ZNF500: variants seen among roughly 807,000 people sequenced by gnomAD.
ZNF500 encodes the protein zinc finger protein 500.
In ZNF500, 31 loss-of-function variants were observed where a neutral mutation model predicts 30.1. That is an observed-to-expected ratio of 1.03 (90% CI 0.77 to 1.39). The LOEUF (loss-of-function observed/expected upper bound fraction) is 1.39. Ranked by LOEUF, ZNF500 falls within the 40% of genes most tolerant of loss-of-function variation. The pLI is 0.00. For missense variants in ZNF500, 817 were observed against 657.8 expected, an observed-to-expected ratio of 1.24 and a Z score of -2.65; for synonymous variants, 392 against 282.0, an observed-to-expected ratio of 1.39 and a Z score of -3.91.
chr16:4,764,756 T>G (rs1160380850), intron 2 of ZNF500, among the ~76,000 whole-genome samples: 1 of 144,344 alleles, frequency 6.9e-6, no homozygotes, highest in East Asian at 2.0e-4. Flanking sequence ...CTCTCCAGCC[T>G]GGGCGACAGG....
In ZNF500 at chr16:4,752,248, C is replaced by G; in HGVS notation, c.*128G>C. On this transcript the variant is annotated 3_prime_UTR_variant, in exon 6 of 6. Coordinates refer to ENST00000219478, the MANE Select transcript of ZNF500 (RefSeq NM_021646.4). The stretch of plus-strand genomic sequence containing the variant: ...GCCTGGGCATCCCAAATGTCCCCTG[C>G]TGGCCTCATACTGGGCCATGGGAGG... 2 of 1,427,522 alleles carry G rather than the reference C, an allele frequency of 1.4e-6. No homozygotes were observed. The highest frequency in any genetic ancestry group is 1.8e-6 in the Non-Finnish European group (2 of 1,096,686). 88.4% of individuals were successfully genotyped at this position (1,427,522 alleles called of 1,614,324 possible).
chr16:4,765,826 C>A lies in ZNF500; in HGVS notation c.153G>T (p.Gln51His). Reference sequence around the variant, plus strand: ...CCTGGTAGCAGAAGAGCCGGAAGAGCTGGCGGAAAGTCTCAGGGCTGGGGT... The same window carrying A: ...CCTGGTAGCAGAAGAGCCGGAAGAGATGGCGGAAAGTCTCAGGGCTGGGGT... ...TEDPSPETFR[Q>H]LFRLFCYQEV... Residue 51 changes from glutamine to histidine, a missense_variant, in exon 2 of 6, where the codon CAG (glutamine) becomes CAT (histidine). Physicochemically the swap from Gln to His is conservative, Grantham distance 24. Transcript: ENST00000219478. The A allele has an allele frequency of 6.2e-7, 1 of 1,613,646 alleles. No individual in the cohort carries two copies. Among genetic ancestry groups the A allele is most frequent in the Non-Finnish European group, 8.5e-7 (1 of 1,179,994 alleles).
chr16:4,752,771 C>T lies in ZNF500; in HGVS notation c.1048G>A (p.Glu350Lys), dbSNP rs199690534. The T allele has an allele frequency of 3.1e-6, 5 of 1,614,252 alleles. No homozygotes were observed. Among genetic ancestry groups the T allele is most frequent in the Non-Finnish European group, 3.4e-6 (4 of 1,180,034 alleles). ...LTKHQRTHTG[E>K]RPYKCLVCGK... ...CAGACTAGGCACTTGTAAGGCCGCT[C>T]GCCCGTGTGTGTGCGCTGGTGCTTG... The change falls in exon 6 of 6, where the codon GAG becomes AAG. Residue 350 changes from glutamate (E) to lysine (K), a missense_variant. Physicochemically the swap from Glu to Lys is moderately conservative, Grantham distance 56 (BLOSUM62 1). Coordinates refer to ENST00000219478, the MANE Select transcript of ZNF500 (RefSeq NM_021646.4).
chr16:4,747,127 T>C, downstream of ZNF500: 1 of 1,265,732 alleles, frequency 7.9e-7, no homozygotes, highest in Non-Finnish European at 1.1e-6. Flanking sequence ...GAGGTCTTGC[T>C]GCACCCACCG....
rs780281616 is a variant in ZNF500, at chr16:4,752,974, C to G, written c.845G>C (p.Arg282Pro). ...RMEWYRVLSA[R>P]CQGPGHPLPG... ...GAGCGGGTGGCCAGGCCCCTGGCAT[C>G]GTGCCGAGAGCACTCGGTACCACTC... The change falls in exon 6 of 6, where the codon CGA becomes CCA. Residue 282 changes from arginine to proline, a missense_variant. Coordinates refer to ENST00000219478, the MANE Select transcript of ZNF500 (RefSeq NM_021646.4). The G allele has an allele frequency of 2.6e-5, 41 of 1,606,212 alleles. No homozygotes were observed. The South Asian group carries it at 4.4e-4, about 17-fold the overall frequency.
Position 4,752,991 on chromosome 16 carries a change from G to A in ZNF500, c.828C>T (p.Tyr276=), listed in dbSNP as rs1400026696. The A allele has an allele frequency of 6.3e-7, 1 of 1,591,582 alleles. No individual in the cohort carries two copies. The highest frequency in any genetic ancestry group is 8.6e-7 in the Non-Finnish European group (1 of 1,169,140). ...REDAPLRMEW[Y]RVLSARCQGP... ...CCTGGCATCGTGCCGAGAGCACTCG[G>A]TACCACTCCATTCTCAACGGGGCAT... Residue 276 remains tyrosine, a synonymous_variant, in exon 6 of 6, where the codon TAC becomes TAT. Transcript: ENST00000219478.
downstream of ZNF500, chr16:4,747,047 G>A (rs755640133): frequency 1.5e-5 from 23 of 1,505,922 alleles, no homozygotes; most frequent in African/African-American, 7.1e-5. Context: ...GGGGCCTCTC[G>A]CCACCTGCAG....
At position 4,763,965 on chromosome 16, in the gene ZNF500, G is replaced by A. The variant is rs911116807; in HGVS notation, c.415-1209C>T. The A allele has an allele frequency of 1.6e-5, 16 of 985,332 alleles. No homozygotes were observed. In the African/African-American group the frequency reaches 2.6e-4, roughly 16 times the overall value. 61.0% of individuals were successfully genotyped at this position (985,332 alleles called of 1,614,324 possible). A position where few individuals can be genotyped will look rare whatever the true frequency, so the allele number is the denominator to read the frequency against. ...TGCCCATGTGCCCCATCCACGCAAG[G>A]CCCTGAAAAATGAACTGAAACAGCA... is the stretch of plus-strand genomic sequence containing the variant. On this transcript the variant is annotated intron_variant, in intron 2 of 5. Transcript: ENST00000219478.
At position 4,748,714 on chromosome 16, in the gene ZNF500, C is replaced by T. The variant is rs1486638049; in HGVS notation, c.*3662G>A. 1.3e-5 allele frequency: 2 copies of T among 152,420 alleles called. No individual in the cohort carries two copies. The highest frequency in any genetic ancestry group is 4.8e-5 in the African/African-American group (2 of 41,456). 9.4% of individuals were successfully genotyped at this position (152,420 alleles called of 1,614,324 possible). A position where few individuals can be genotyped will look rare whatever the true frequency, so the allele number is the denominator to read the frequency against. ...CTGGGCACCTGTTTGTCTCCCCAAC[C>T]TTGTCTCCAGGATGTGTCCTGCTGT... On this transcript the variant is annotated 3_prime_UTR_variant, in exon 6 of 6. Transcript: ENST00000219478.
downstream of ZNF500, chr16:4,746,213 T>A: frequency 1.4e-6 from 1 of 700,194 alleles, no homozygotes; most frequent in Non-Finnish European, 2.3e-6. Context: ...TCTCGCATGC[T>A]GTTCTGAAGA....
rs542891145 is a variant in ZNF500 at position 4,751,902 on chromosome 16, C to T, written c.*474G>A. 45 of 306,988 alleles carry T rather than the reference C, an allele frequency of 1.5e-4. No homozygotes were observed. The highest frequency in any genetic ancestry group is 9.5e-4 in the African/African-American group (39 of 41,046). 19.0% of individuals were successfully genotyped at this position (306,988 alleles called of 1,614,324 possible). A position where few individuals can be genotyped will look rare whatever the true frequency, so the allele number is the denominator to read the frequency against. ...CCGCCTGGGGGACACAGCAAGGCCC[C>T]GTCTCAAAAAAAAAAGGGGGGGGGA... On this transcript the variant is annotated 3_prime_UTR_variant, in exon 6 of 6. Coordinates refer to ENST00000219478, the MANE Select transcript of ZNF500 (RefSeq NM_021646.4).
intron 5 of ZNF500, among the ~76,000 whole-genome samples, chr16:4,754,579 G>A (rs967691669): frequency 2.0e-5 from 3 of 151,600 alleles, no homozygotes; most frequent in Admixed American, 1.3e-4. Flanking sequence ...CAGGAGAATC[G>A]CTTGAACTCG....
intron 5 of ZNF500, among the ~76,000 whole-genome samples, chr16:4,756,147 C>T (rs1391363263): frequency 6.6e-6 from 1 of 152,140 alleles, no homozygotes; most frequent in African/African-American, 2.4e-5. Flanking sequence ...CCTGTAATAC[C>T]AGCACTCTGA....
In ZNF500 at chr16:4,752,802, G is replaced by A; in HGVS notation, c.1017C>T (p.His339=). 6.2e-7 allele frequency: 1 copy of A among 1,614,268 alleles called. No individual in the cohort carries two copies. Among genetic ancestry groups the A allele is most frequent in the Non-Finnish European group, 8.5e-7 (1 of 1,180,048 alleles). Reference sequence around the variant, plus strand: ...TGTGTGTGCGCTGGTGCTTGGTCAAGTGGGACGTCTTGCTGAAGCCTTTGC... The same window carrying A: ...TGTGTGTGCGCTGGTGCTTGGTCAAATGGGACGTCTTGCTGAAGCCTTTGC... The part of the protein sequence containing the change: ...ECGKGFSKTS[H]LTKHQRTHTG... The change falls in exon 6 of 6, where the codon CAC becomes CAT. Residue 339 remains histidine (H), a synonymous_variant. Transcript: ENST00000219478.
intron 2 of ZNF500, 82 bp from the exon 3 acceptor site, chr16:4,762,838 C>T: frequency 6.8e-7 from 1 of 1,478,806 alleles, no homozygotes; most frequent in Non-Finnish European, 9.0e-7. Context: ...CCCCTCATCT[C>T]AGGCACCCCA....
chr16:4,746,484 G>T, downstream of ZNF500: 1 of 1,613,750 alleles, frequency 6.2e-7, no homozygotes, highest in Non-Finnish European at 8.5e-7. Context: ...GCGGCAGATG[G>T]AGCTACCAGA....
intron 2 of ZNF500, among the ~76,000 whole-genome samples, chr16:4,765,363 G>A (rs1596508354): frequency 6.6e-6 from 1 of 152,108 alleles, no homozygotes; most frequent in Non-Finnish European, 1.5e-5. Context: ...GCTAATAAAG[G>A]GCTATTGGGG....
chr16:4,766,540 G>T (rs996576399), intron 1 of ZNF500, among the ~76,000 whole-genome samples: 1 of 152,174 alleles, frequency 6.6e-6, no homozygotes, highest in Non-Finnish European at 1.5e-5. Flanking sequence ...AGAATCGCTT[G>T]AACCCGGGAG....
intron 4 of ZNF500, among the ~76,000 whole-genome samples, 154 bp downstream of exon 4, chr16:4,762,117 A>C (rs773690550): frequency 6.6e-6 from 1 of 152,182 alleles, no homozygotes; most frequent in Non-Finnish European, 1.5e-5. Flanking sequence ...AAGTGACTCC[A>C]GGGTTGGGGC....
Sources: gnomAD v4.1 joint callset for allele counts (sites outside exome capture counted in the v4.1 genomes callset) on GRCh38, gnomAD v4.1.1 for gene constraint, MANE v1.5 for transcripts, NCBI Gene and HGNC (gene_info 2026-07-23, HGNC 2026-07-21) for gene names.